Variants in ULK2 observed in about 807,000 individuals in gnomAD.
ULK2 encodes the protein serine/threonine-protein kinase ULK2.
Under a neutral mutation model 127.5 loss-of-function variants are expected in ULK2, and 76 were observed. The ratio of observed to expected loss-of-function variants is 0.60; its 90% CI spans 0.50 to 0.72. ULK2 has a LOEUF of 0.72. ULK2 is among the 30% of genes least tolerant of loss of function. The pLI is 0.00. For synonymous variants in ULK2, 452 were observed against 461.9 expected, an observed-to-expected ratio of 0.98 and a Z score of 0.28; for missense variants, 1,144 against 1,295.9, an observed-to-expected ratio of 0.88 and a Z score of 1.80.
intron 13 of ULK2, 55 bp from the exon 14 acceptor site, chr17:19,810,493 A>G: frequency 8.6e-7 from 1 of 1,161,564 alleles, no homozygotes; most frequent in Non-Finnish European, 1.2e-6. Flanking sequence ...TTAAAAAAAC[A>G]CAAATTTGTT....
rs115894789 is a variant in ULK2 at position 19,864,751 on chromosome 17, T to C, written c.225+52A>G. 8.3e-3 allele frequency: 6,926 copies of C among 835,486 alleles called. 341 individuals are homozygous for C. In the African/African-American group the frequency reaches 0.11, roughly 13 times the overall value. 51.8% of individuals were successfully genotyped at this position (835,486 alleles called of 1,614,324 possible). On this transcript the variant is annotated intron_variant, in intron 3 of 26. Transcript: ENST00000395544. ...CTATTAAGAGTCACTTAAATCTGTA[T>C]GAAATTAAAAAAAATTTATTTTAAT...
At chr17:19,777,523 C>A in intron 26 of ULK2, 58 bp downstream of exon 26, 1 of 1,542,638 alleles carries the variant, frequency 6.5e-7, no homozygotes. Context: ...TTGTACTATG[C>A]TTGTGATAGA....
chr17:19,784,008 G>T, intron 21 of ULK2, 103 bp from the exon 22 acceptor site: 1 of 1,100,504 alleles, frequency 9.1e-7, no homozygotes, highest in South Asian at 3.8e-5. Flanking sequence ...ACAAAGGAAA[G>T]TTTCGTTAAA....
At position 19,826,182 on chromosome 17, in the gene ULK2, T is replaced by C. The variant is rs157397; in HGVS notation, c.792A>G (p.Ala264=). ...RNQKDRMDFE[A]FFSHPFLEQG... is the part of the protein sequence containing the mutation. ...GCTCAAGAAAAGGATGGCTAAAAAA[T>C]GCTTCTGTAACAAGAAATGAGAATG... The change falls in exon 11 of 27, where the codon GCA becomes GCG. Residue 264 remains alanine, a synonymous_variant. Coordinates refer to ENST00000395544, the MANE Select transcript of ULK2 (RefSeq NM_014683.4). 0.94 allele frequency: 1,370,590 copies of C among 1,460,748 alleles called. 646,771 individuals are homozygous for C. Among genetic ancestry groups the C allele is most frequent in the Non-Finnish European group, 0.96 (1,056,436 of 1,095,524 alleles). The allele number at this position is 1,460,748 out of a possible 1,614,324, so 90.5% of individuals were successfully genotyped here.
chr17:19,855,359 G>A (rs113988385), intron 3 of ULK2, among the ~76,000 whole-genome samples: 19 of 151,548 alleles, frequency 1.3e-4, no homozygotes, highest in South Asian at 6.2e-4. Context: ...AGCCGAGATC[G>A]CGCCACTGCA....
intron 4 of ULK2, 105 bp downstream of exon 4, chr17:19,849,636 TC>T: frequency 1.1e-6 from 1 of 905,006 alleles, no homozygotes; most frequent in African/African-American, 1.7e-5. Context: ...ATTTTAAAGT[TC>T]ATATTAATCA....
At chr17:19,855,952 C>G (rs2042117930) in intron 3 of ULK2, 1 of 151,746 alleles carries the variant, frequency 6.6e-6, no homozygotes, top group South Asian at 2.1e-4. Flanking sequence ...GAGTTAGAGG[C>G]TGCAGTGAGA....
intron 10 of ULK2, among the ~76,000 whole-genome samples, chr17:19,827,023 G>C (rs58485196): frequency 0.016 from 2,477 of 151,454 alleles, 72 homozygotes; most frequent in African/African-American, 0.057. Flanking sequence ...CTCCATAATA[G>C]TTGTTTCACT....
At chr17:19,837,481 A>T (rs1449803009) in intron 10 of ULK2, among the ~76,000 whole-genome samples, 1 of 152,176 alleles carries the variant, frequency 6.6e-6, no homozygotes. Flanking sequence ...ATCTGTCCCC[A>T]GTCTAGACTT....
At chr17:19,790,497 C>T (rs2152383912) in intron 20 of ULK2, among the ~76,000 whole-genome samples, 1 of 151,988 alleles carries the variant, frequency 6.6e-6, no homozygotes, top group Admixed American at 6.5e-5. Flanking sequence ...AAAAAACATA[C>T]ACTGGATACA....
At chr17:19,850,826 T>G (rs959683213) in intron 3 of ULK2, among the ~76,000 whole-genome samples, 1 of 151,880 alleles carries the variant, frequency 6.6e-6, no homozygotes, top group Non-Finnish European at 1.5e-5. Flanking sequence ...AGCCAGACTC[T>G]GTCTCAAAAA....
chr17:19,862,257 C>A (rs2042258329), intron 3 of ULK2, among the ~76,000 whole-genome samples: 1 of 151,136 alleles, frequency 6.6e-6, no homozygotes, highest in Admixed American at 6.6e-5. Flanking sequence ...CCACCACACC[C>A]AGCTGATTTT....
chr17:19,786,037 T>C lies in ULK2; in HGVS notation c.2151A>G (p.Ala717=), dbSNP rs376122472. ...GGVLAPPAGT[A]ASSKAVLFTV... is the part of the protein sequence containing the mutation. ...TGAAGAGGACAGCCTTGGAACTTGC[T>C]GCTGTACCTGCAGGAGGTGCCAGAA... Residue 717 remains alanine (A), a synonymous_variant, in exon 21 of 27, where the codon GCA becomes GCG. Coordinates refer to ENST00000395544, the MANE Select transcript of ULK2 (RefSeq NM_014683.4). 31 of 1,573,618 alleles carry C rather than the reference T, an allele frequency of 2.0e-5. No individual in the cohort carries two copies. Among genetic ancestry groups the C allele is most frequent in the Non-Finnish European group, 2.6e-5 (30 of 1,166,610 alleles).
At chr17:19,817,375 G>A (rs748374619) in intron 12 of ULK2, among the ~76,000 whole-genome samples, 2 of 152,092 alleles carry the variant, frequency 1.3e-5, no homozygotes, top group African/African-American at 2.4e-5. Context: ...ATTATAAGCA[G>A]GAAACCAAGA....
chr17:19,845,023 A>G (rs533744850), intron 7 of ULK2, among the ~76,000 whole-genome samples: 1 of 152,324 alleles, frequency 6.6e-6, no homozygotes, highest in East Asian at 1.9e-4. Flanking sequence ...CAGCATGACT[A>G]CCCTTGATTA....
intron 6 of ULK2, among the ~76,000 whole-genome samples, chr17:19,845,829 C>T (rs1226359942): frequency 6.6e-6 from 1 of 152,118 alleles, no homozygotes; most frequent in Non-Finnish European, 1.5e-5. Context: ...AGGGTTATGG[C>T]CAGGCGTGGT....
intron 12 of ULK2, among the ~76,000 whole-genome samples, chr17:19,818,059 G>C (rs1214717189): frequency 6.6e-6 from 1 of 151,942 alleles, no homozygotes; most frequent in Non-Finnish European, 1.5e-5. Context: ...CCAGCACTTT[G>C]GGCCTGTAAT....
At chr17:19,865,628 A>G (rs1490518854) in intron 2 of ULK2, 108 bp downstream of exon 2, 2 of 587,944 alleles carry the variant, frequency 3.4e-6, no homozygotes, top group Admixed American at 4.3e-5. Flanking sequence ...CAACAGTTGA[A>G]AATTCTCAAA....
At chr17:19,840,156 C>T in intron 9 of ULK2, 1 of 458,356 alleles carries the variant, frequency 2.2e-6, no homozygotes, top group Non-Finnish European at 4.4e-6. Flanking sequence ...TCTATCACGC[C>T]TGGCCACTGT....
Sources: allele counts gnomAD v4.1 joint callset (sites outside exome capture counted in the v4.1 genomes callset), GRCh38; gene constraint gnomAD v4.1.1; transcripts MANE v1.5; gene names NCBI Gene and HGNC (gene_info 2026-07-23, HGNC 2026-07-21).